The following FAM20A variants were observed in gnomAD, a reference collection of about 807,000 sequenced individuals.
The protein encoded by FAM20A is pseudokinase FAM20A.
Under a neutral mutation model 52.0 loss-of-function variants are expected in FAM20A, and 42 were observed. The ratio of observed to expected loss-of-function variants is 0.81; its 90% CI spans 0.63 to 1.04. The LOEUF (loss-of-function observed/expected upper bound fraction) is 1.04, where lower values mean the gene tolerates loss of function less well. Ranked by LOEUF, FAM20A falls within the 50% of genes least tolerant of loss-of-function variation. The pLI is 0.00. For missense variants in FAM20A, 742 were observed against 712.7 expected, an observed-to-expected ratio of 1.04 and a Z score of -0.47; for synonymous variants, 304 against 298.9, an observed-to-expected ratio of 1.02 and a Z score of -0.18.
intron 1 of FAM20A, among the ~76,000 whole-genome samples, chr17:68,580,384 C>T (rs1420435194): frequency 1.3e-5 from 2 of 152,188 alleles, no homozygotes; most frequent in Non-Finnish European, 2.9e-5. Context: ...GGCTGGTTTC[C>T]CGACAAAAAC....
rs1441671707 is a variant in FAM20A at position 68,537,188 on chromosome 17, C to A, written c.*289G>T. ...CTCTCCTGGGATCAAGGCTGCCAAG[C>A]CTGACCTATACCCAGATTTCCCAGT... On this transcript the variant is annotated 3_prime_UTR_variant, in exon 11 of 11. Coordinates refer to ENST00000592554, the MANE Select transcript of FAM20A (RefSeq NM_017565.4). This position sits in a 1 kb window ranked among gnomAD's most constrained non-coding sequence, Gnocchi z 4.2. 2 of 589,060 alleles carry A rather than the reference C, an allele frequency of 3.4e-6. No homozygotes were observed. Among genetic ancestry groups the A allele is most frequent in the Non-Finnish European group, 6.3e-6 (2 of 314,980 alleles). 36.5% of individuals were successfully genotyped at this position (589,060 alleles called of 1,614,324 possible). A position where few individuals can be genotyped will look rare whatever the true frequency, so the allele number is the denominator to read the frequency against.
At chr17:68,568,049 G>A (rs562998898) in intron 1 of FAM20A, among the ~76,000 whole-genome samples, 4 of 151,982 alleles carry the variant, frequency 2.6e-5, no homozygotes, top group East Asian at 3.9e-4. Flanking sequence ...GTGCAAAAAC[G>A]GACTAATACA....
chr17:68,568,934 A>T (rs1428942733), intron 1 of FAM20A, among the ~76,000 whole-genome samples: 2 of 151,864 alleles, frequency 1.3e-5, no homozygotes, highest in Non-Finnish European at 2.9e-5. Flanking sequence ...GGAGTTTCTA[A>T]CAGAATAAAA....
rs765729775 is a variant in FAM20A at position 68,540,844 on chromosome 17, C to A, written c.1219+5G>T. On this transcript the variant is annotated splice_donor_5th_base_variant and intron_variant, in intron 8 of 10. Transcript: ENST00000592554. ...TCTGCTGGGGGCCTGCGTGTGGGGA[C>A]CTACCTATCAAGAAGTCGAAGATGG... 3.1e-6 allele frequency: 5 copies of A among 1,593,644 alleles called. No individual in the cohort carries two copies. The highest frequency in any genetic ancestry group is 4.3e-6 in the Non-Finnish European group (5 of 1,169,234).
chr17:68,539,774 C>T (rs1448320697), intron 9 of FAM20A, 111 bp downstream of exon 9: 51 of 961,620 alleles, frequency 5.3e-5, no homozygotes, highest in Middle Eastern at 2.1e-4. Context: ...AGACAAGGCA[C>T]GTGGTGGTGG....
chr17:68,576,666 T>G (rs1465029661), intron 1 of FAM20A, among the ~76,000 whole-genome samples: 1 of 152,212 alleles, frequency 6.6e-6, no homozygotes, highest in Non-Finnish European at 1.5e-5. Context: ...CAGAAAACGT[T>G]AGTTACATGT....
chr17:68,571,999 TATATATATATA>T (rs1391356804), intron 1 of FAM20A, among the ~76,000 whole-genome samples: 2 of 34,384 alleles, frequency 5.8e-5, no homozygotes, highest in African/African-American at 1.5e-4. Context: ...TATATATATA[TATATATATATA>T]TATATATATA....
chr17:68,545,032 T>C (rs930150268), intron 4 of FAM20A, among the ~76,000 whole-genome samples: 3 of 152,256 alleles, frequency 2.0e-5, no homozygotes, highest in African/African-American at 4.8e-5. Flanking sequence ...ATGTTCCTAA[T>C]GTATATTTTC....
chr17:68,535,676 TTTTTTTGTA>T lies in FAM20A; in HGVS notation c.*1792_*1800del, dbSNP rs979449181. On this transcript the variant is annotated 3_prime_UTR_variant, in exon 11 of 11. Coordinates refer to ENST00000592554, the MANE Select transcript of FAM20A (RefSeq NM_017565.4). ...GAGTTGATTTAAAAAAAAATTTTTT[TTTTTTTGTA>T]TTTTTTTGTAGAGACAGGGTTTTGT... 3 of 447,164 alleles carry T rather than the reference TTTTTTTGTA, an allele frequency of 6.7e-6. No individual in the cohort carries two copies. Among genetic ancestry groups the T allele is most frequent in the Non-Finnish European group, 4.4e-6 (1 of 225,202 alleles). 27.7% of individuals were successfully genotyped at this position (447,164 alleles called of 1,614,324 possible).
intron 1 of FAM20A, among the ~76,000 whole-genome samples, chr17:68,581,391 T>TTTCTTTCTTTC (rs1555832085): frequency 3.4e-5 from 5 of 147,230 alleles, no homozygotes; most frequent in Non-Finnish European, 7.5e-5. Flanking sequence ...TCTTTCTTTC[T>TTTCTTTCTTTC]TTCTTTCTTT....
At position 68,551,859 on chromosome 17, in the gene FAM20A, A is replaced by G; in HGVS notation, c.719+14T>C. The G allele has an allele frequency of 2.6e-6, 4 of 1,564,382 alleles. No individual in the cohort carries two copies. The highest frequency in any genetic ancestry group is 3.5e-6 in the Non-Finnish European group (4 of 1,151,436). On this transcript the variant is annotated intron_variant, in intron 4 of 10. Coordinates refer to ENST00000592554, the MANE Select transcript of FAM20A (RefSeq NM_017565.4). ...CCCCAACTGGGTGTGGAAAGGAGGA[A>G]GGCAGTCACTTACCTCATGGGTTTG... is the stretch of plus-strand genomic sequence containing the variant.
intron 1 of FAM20A, among the ~76,000 whole-genome samples, chr17:68,576,394 AC>A (rs1339177045): frequency 6.6e-6 from 1 of 152,178 alleles, no homozygotes; most frequent in Non-Finnish European, 1.5e-5. Context: ...AGTGGCAGGC[AC>A]AGTGCAGTGA....
At chr17:68,555,909 A>C (rs2087038442) in intron 1 of FAM20A, among the ~76,000 whole-genome samples, 166 bp from the exon 2 acceptor site, 2 of 152,178 alleles carry the variant, frequency 1.3e-5, no homozygotes. Flanking sequence ...GGGGAGCAAA[A>C]CACCTGTGGG....
At chr17:68,594,227 G>A (rs1260251931) in intron 1 of FAM20A, among the ~76,000 whole-genome samples, 3 of 152,102 alleles carry the variant, frequency 2.0e-5, no homozygotes, top group Non-Finnish European at 2.9e-5. Flanking sequence ...GTGAAACGCC[G>A]TCTCTACTAA....
intron 1 of FAM20A, among the ~76,000 whole-genome samples, chr17:68,575,908 TCCAAAGGGCGCC>T (rs1250612008): frequency 2.7e-5 from 4 of 147,526 alleles, no homozygotes; most frequent in African/African-American, 1.0e-4. Context: ...GAGAACCAAG[TCCAAAGGGCGCC>T]CCCTAAGAAT....
chr17:68,543,627 A>C lies in FAM20A; in HGVS notation c.812+2T>G, dbSNP rs1483011834. 1 of 1,613,790 alleles carries C rather than the reference A, an allele frequency of 6.2e-7. No individual in the cohort carries two copies. The highest frequency in any genetic ancestry group is 1.3e-5 in the African/African-American group (1 of 74,886). The stretch of plus-strand genomic sequence containing the variant: ...TGCCATCTCCATGGGGCCAGACCCT[A>C]CCTGTCCAGATGGAAAGCTGCGATC... On this transcript the variant is annotated splice_donor_variant, in intron 5 of 10. Coordinates refer to ENST00000592554, the MANE Select transcript of FAM20A (RefSeq NM_017565.4). LOFTEE classifies it high-confidence loss of function.
intron 1 of FAM20A, among the ~76,000 whole-genome samples, chr17:68,599,554 G>A (rs1313257096): frequency 6.6e-6 from 1 of 152,162 alleles, no homozygotes; most frequent in East Asian, 1.9e-4. Flanking sequence ...TCAAGCCGCA[G>A]ATCCAAGTCA....
chr17:68,553,751 T>C (rs574905495), intron 3 of FAM20A, among the ~76,000 whole-genome samples: 1 of 144,934 alleles, frequency 6.9e-6, no homozygotes, highest in African/African-American at 2.7e-5. Flanking sequence ...TATACACATA[T>C]ATATACATAT....
chr17:68,542,875 C>G, intron 5 of FAM20A, 66 bp from the exon 6 acceptor site: 1 of 1,270,990 alleles, frequency 7.9e-7, no homozygotes, highest in Non-Finnish European at 1.1e-6. Context: ...GGGTTTTGTC[C>G]CCCGGCCAGT....
Sources: allele counts gnomAD v4.1 joint callset (sites outside exome capture counted in the v4.1 genomes callset), GRCh38; gene constraint gnomAD v4.1.1; non-coding constraint Gnocchi (gnomAD v3.1); transcripts MANE v1.5; gene names NCBI Gene and HGNC (gene_info 2026-07-23, HGNC 2026-07-21).